DOHH: variants seen among roughly 807,000 people sequenced by gnomAD.
DOHH encodes HEAT-like (PBS lyase) repeat containing 1.
A neutral mutation model predicts 19.9 loss-of-function variants in DOHH; 16 were observed. The ratio of observed to expected loss-of-function variants is 0.80; its 90% CI spans 0.54 to 1.22. The LOEUF is 1.22. Among genes scored for constraint, DOHH ranks in the 50% most tolerant of loss-of-function variants. DOHH has a pLI of 0.00. For missense variants in DOHH, 460 were observed against 460.6 expected (o/e 1.00, Z 0.01); for synonymous variants, 233 against 217.0 (o/e 1.07, Z -0.65).
At position 3,496,851 on chromosome 19, in the gene DOHH, C is replaced by G. The variant is rs777896181; in HGVS notation, c.-37G>C. The G allele has an allele frequency of 6.7e-7, 1 of 1,496,192 alleles. No individual in the cohort carries two copies. The highest frequency in any genetic ancestry group is 8.9e-7 in the Non-Finnish European group (1 of 1,123,858). 92.7% of individuals were successfully genotyped at this position (1,496,192 alleles called of 1,614,324 possible). On this transcript the variant is annotated 5_prime_UTR_variant, in exon 2 of 5. Transcript: ENST00000427575. This position sits in a 1 kb window ranked among gnomAD's most constrained non-coding sequence, Gnocchi z 4.8. ...TGGGTCCCGGCCTTCCACAACCCTG[C>G]TCAGGCTAAACCTGGGGACGCGGGG...
chr19:3,492,488 G>A lies in DOHH; in HGVS notation c.363C>T (p.Thr121=). The change falls in exon 4 of 5, where the codon ACC becomes ACT. Residue 121 remains threonine, a synonymous_variant. Transcript: ENST00000427575. ...SSDPVIEVAE[T]CQLAVRRLEW... is the part of the protein sequence containing the mutation. ...CCAGCCTGCGCACGGCCAGCTGGCA[G>A]GTCTCGGCCACCTGCGGGGAGGGGG... 1 of 1,384,788 alleles carries A rather than the reference G, an allele frequency of 7.2e-7. No homozygotes were observed. Among genetic ancestry groups the A allele is most frequent in the South Asian group, 1.6e-5 (1 of 61,392 alleles). 85.8% of individuals were successfully genotyped at this position (1,384,788 alleles called of 1,614,324 possible). A position where few individuals can be genotyped will look rare whatever the true frequency, so the allele number is the denominator to read the frequency against.
chr19:3,491,916 G>T lies in DOHH; in HGVS notation c.590-105C>A. 8.2e-7 allele frequency: 1 copy of T among 1,218,244 alleles called. No homozygotes were observed. The highest frequency in any genetic ancestry group is 3.0e-5 in the East Asian group (1 of 33,898). 75.5% of individuals were successfully genotyped at this position (1,218,244 alleles called of 1,614,324 possible). On this transcript the variant is annotated intron_variant, in intron 4 of 4. Coordinates refer to ENST00000427575, the MANE Select transcript of DOHH (RefSeq NM_001145165.2). The surrounding 1 kb of genome is among the most constrained non-coding windows in gnomAD (Gnocchi z 5.6). Reference sequence around the variant, plus strand: ...CTATCTTGCCCAGGCAGGTCACAAAGTCCTGGCGATCTTCCCATCCCGGCC... The same window carrying T: ...CTATCTTGCCCAGGCAGGTCACAAATTCCTGGCGATCTTCCCATCCCGGCC...
At chr19:3,498,259 A>G (rs1188854543) in intron 1 of DOHH, among the ~76,000 whole-genome samples, 1 of 152,176 alleles carries the variant, frequency 6.6e-6, no homozygotes, top group East Asian at 1.9e-4. Flanking sequence ...AGGCCTCCAT[A>G]ACTGTTTCAG....
In DOHH at chr19:3,491,724, G is replaced by A. The variant is rs1290740282; in HGVS notation, c.677C>T (p.Ala226Val). The A allele has an allele frequency of 2.7e-6, 4 of 1,504,072 alleles. No homozygotes were observed. Among genetic ancestry groups the A allele is most frequent in the Admixed American group, 2.5e-5 (1 of 40,688 alleles). The allele number at this position is 1,504,072 out of a possible 1,614,324, so 93.2% of individuals were successfully genotyped here. A position where few individuals can be genotyped will look rare whatever the true frequency, so the allele number is the denominator to read the frequency against. The stretch of plus-strand genomic sequence containing the variant: ...CTCGGTGCATCGGGCCAGGGCGGCC[G>A]CCAGCTGGGGCACCGCCGCCTCGTG... The part of the protein sequence containing the change: ...LQHEAAVPQL[A>V]AALARCTENP... Residue 226 changes from alanine (A) to valine (V), a missense_variant, in exon 5 of 5, where the codon GCG becomes GTG. Coordinates refer to ENST00000427575, the MANE Select transcript of DOHH (RefSeq NM_001145165.2). This position sits in a 1 kb window ranked among gnomAD's most constrained non-coding sequence, Gnocchi z 5.6.
In DOHH at chr19:3,492,440, C is replaced by A; in HGVS notation, c.411G>T (p.Gly137=). ...AGAGGTAGGGTCCCGCCGCCGGCTC[C>A]CCGCCGTGCTGCTGCAGCCACTCCA... ...RRLEWLQQHG[G]EPAAGPYLSV... Residue 137 remains glycine (G), a synonymous_variant, in exon 4 of 5, where the codon GGG becomes GGT. Coordinates refer to ENST00000427575, the MANE Select transcript of DOHH (RefSeq NM_001145165.2). 1.3e-6 allele frequency: 2 copies of A among 1,484,262 alleles called. No individual in the cohort carries two copies. Among genetic ancestry groups the A allele is most frequent in the Non-Finnish European group, 1.8e-6 (2 of 1,123,660 alleles). 91.9% of individuals were successfully genotyped at this position (1,484,262 alleles called of 1,614,324 possible).
At chr19:3,498,501 G>A (rs2082926207) in intron 1 of DOHH, among the ~76,000 whole-genome samples, 2 of 152,062 alleles carry the variant, frequency 1.3e-5, no homozygotes, top group Non-Finnish European at 2.9e-5. Context: ...TGCTTCCAGG[G>A]TTCAAGTGAT....
chr19:3,491,263 T>G lies in DOHH; in HGVS notation c.*229A>C. The stretch of plus-strand genomic sequence containing the variant: ...GAGTCCCACCCCAAGCCTGGAAACT[T>G]CCACGCTACAGCCCTGCGCCAGGCC... On this transcript the variant is annotated 3_prime_UTR_variant, in exon 5 of 5. Transcript: ENST00000427575. This position sits in a 1 kb window ranked among gnomAD's most constrained non-coding sequence, Gnocchi z 5.6. The G allele has an allele frequency of 5.2e-6, 3 of 573,002 alleles. No homozygotes were observed. In the South Asian group the frequency reaches 6.8e-5, roughly 13 times the overall value. 35.5% of individuals were successfully genotyped at this position (573,002 alleles called of 1,614,324 possible). A position where few individuals can be genotyped will look rare whatever the true frequency, so the allele number is the denominator to read the frequency against.
intron 2 of DOHH, among the ~76,000 whole-genome samples, chr19:3,495,574 C>T (rs1345597554): frequency 2.0e-5 from 3 of 152,164 alleles, no homozygotes; most frequent in Non-Finnish European, 2.9e-5. Context: ...TATGGCTTGT[C>T]GCTTGTTTTT....
chr19:3,494,443 G>A (rs2082893660), intron 2 of DOHH, among the ~76,000 whole-genome samples: 1 of 152,174 alleles, frequency 6.6e-6, no homozygotes, highest in African/African-American at 2.4e-5. Context: ...GGAGGTCGGG[G>A]GTGCAGTGAG....
intron 2 of DOHH, among the ~76,000 whole-genome samples, chr19:3,495,075 T>G (rs1458892725): frequency 6.6e-6 from 1 of 152,042 alleles, no homozygotes; most frequent in African/African-American, 2.4e-5. Flanking sequence ...TGGGTTCAAG[T>G]GATTCTCCTG....
At chr19:3,496,000 T>C (rs552434724) in intron 2 of DOHH, among the ~76,000 whole-genome samples, 3 of 152,312 alleles carry the variant, frequency 2.0e-5, no homozygotes, top group East Asian at 3.9e-4. Flanking sequence ...TCTCAGCATT[T>C]ACAAATGAAG....
intron 2 of DOHH, 85 bp from the exon 3 acceptor site, chr19:3,494,189 C>T (rs1774657515): frequency 1.7e-6 from 2 of 1,209,448 alleles, no homozygotes; most frequent in Non-Finnish European, 2.3e-6. Flanking sequence ...GAGGACACCC[C>T]TCCCAGGGCT....
At position 3,500,602 on chromosome 19, in the gene DOHH, C is replaced by T. The variant is rs1255900816; in HGVS notation, c.-114G>A. ...AGGACCCGTCGGCCCGGCCAGTAAC[C>T]GCAGGCGCCTCTGCCACCACCGCTT... On this transcript the variant is annotated 5_prime_UTR_variant, in exon 1 of 5. Coordinates refer to ENST00000427575, the MANE Select transcript of DOHH (RefSeq NM_001145165.2). 2 of 152,274 alleles carry T rather than the reference C, an allele frequency of 1.3e-5. No homozygotes were observed. The highest frequency in any genetic ancestry group is 6.5e-5 in the Admixed American group (1 of 15,288). The allele number at this position is 152,274 out of a possible 1,614,324, so 9.4% of individuals were successfully genotyped here. A position where few individuals can be genotyped will look rare whatever the true frequency, so the allele number is the denominator to read the frequency against.
intron 2 of DOHH, 93 bp from the exon 3 acceptor site, chr19:3,494,197 G>A (rs1374981350): frequency 5.3e-6 from 6 of 1,135,644 alleles, no homozygotes; most frequent in Admixed American, 2.2e-5. Context: ...CCCTCCCAGG[G>A]CTCTGCCACT....
chr19:3,500,060 G>A (rs1159413143), intron 1 of DOHH, among the ~76,000 whole-genome samples: 2 of 152,090 alleles, frequency 1.3e-5, no homozygotes, highest in Admixed American at 6.5e-5. Context: ...TTTGTTGAAT[G>A]ACTTAGGATA....
chr19:3,494,138 G>T (rs768317497), intron 2 of DOHH, 34 bp from the exon 3 acceptor site: 1 of 1,589,782 alleles, frequency 6.3e-7, no homozygotes, highest in Non-Finnish European at 8.6e-7. Context: ...TCATGTTGGT[G>T]GGGTGGATGT....
rs775410451 is a variant in DOHH at position 3,496,105 on chromosome 19, G to A, written c.274+436C>T. Reference sequence around the variant, plus strand: ...TGGCTCACTGCAACCTTGACTTCCCGGGCTCCAGCGATTCTCCCGCCTCAG... The same window carrying A: ...TGGCTCACTGCAACCTTGACTTCCCAGGCTCCAGCGATTCTCCCGCCTCAG... On this transcript the variant is annotated intron_variant, in intron 2 of 4. Coordinates refer to ENST00000427575, the MANE Select transcript of DOHH (RefSeq NM_001145165.2). This position sits in a 1 kb window ranked among gnomAD's most constrained non-coding sequence, Gnocchi z 4.8. 4.6e-5 allele frequency among the ~76,000 whole-genome samples: 7 copies of A among 151,972 alleles called. No homozygotes were observed. Among genetic ancestry groups the A allele is most frequent in the African/African-American group, 9.7e-5 (4 of 41,384 alleles).
At position 3,491,992 on chromosome 19, in the gene DOHH, G is replaced by A. The variant is rs2082873309; in HGVS notation, c.590-181C>T. 1.3e-5 allele frequency among the ~76,000 whole-genome samples: 2 copies of A among 152,168 alleles called. No homozygotes were observed. Among genetic ancestry groups the A allele is most frequent in the South Asian group, 2.1e-4 (1 of 4,838 alleles). ...TGAGCCACCACGCCCAACCTGGGGT[G>A]TTCTACCTTGAAGACACCCCTGCCC... On this transcript the variant is annotated intron_variant, in intron 4 of 4. Transcript: ENST00000427575. This position sits in a 1 kb window ranked among gnomAD's most constrained non-coding sequence, Gnocchi z 5.6.
In DOHH at chr19:3,491,470, AGCTCCGGGT is replaced by A; in HGVS notation, c.*13_*21del. The A allele has an allele frequency of 6.6e-7, 1 of 1,524,792 alleles. No individual in the cohort carries two copies. The highest frequency in any genetic ancestry group is 1.4e-5 in the African/African-American group (1 of 72,222). 94.5% of individuals were successfully genotyped at this position (1,524,792 alleles called of 1,614,324 possible). A position where few individuals can be genotyped will look rare whatever the true frequency, so the allele number is the denominator to read the frequency against. ...GAGCGGCCCTCAAGAGTCCTCCGGG[AGCTCCGGGT>A]GAGGGTGGGGCCCTAGGAGGGGGCC... On this transcript the variant is annotated 3_prime_UTR_variant, in exon 5 of 5. Coordinates refer to ENST00000427575, the MANE Select transcript of DOHH (RefSeq NM_001145165.2). The surrounding 1 kb of genome is among the most constrained non-coding windows in gnomAD (Gnocchi z 5.6).
Sources: gnomAD v4.1 joint callset for allele counts (sites outside exome capture counted in the v4.1 genomes callset) on GRCh38, gnomAD v4.1.1 for gene constraint, Gnocchi (gnomAD v3.1) non-coding constraint, MANE v1.5 for transcripts, NCBI Gene and HGNC (gene_info 2026-07-23, HGNC 2026-07-21) for gene names.